Variants in SRPX2 observed in about 807,000 individuals in gnomAD.
SRPX2 encodes sushi repeat-containing protein SRPX2.
SRPX2 carries 26 observed loss-of-function variants against 45.3 expected under a neutral mutation model. That is an observed-to-expected ratio of 0.57 (90% CI 0.42 to 0.80). SRPX2 has a LOEUF of 0.80. SRPX2 is among the 30% of genes least tolerant of loss of function. The probability of loss-of-function intolerance (pLI) is 0.00; values close to 1 mark genes in which losing one functional copy is unlikely to be tolerated. For synonymous variants in SRPX2, 125 were observed against 143.7 expected, an observed-to-expected ratio of 0.87 and a Z score of 0.93; for missense variants, 355 against 399.8, an observed-to-expected ratio of 0.89 and a Z score of 0.95.
Position 100,666,933 on chromosome X carries a change from C to T in SRPX2, c.961C>T (p.Pro321Ser), listed in dbSNP as rs2083206545. The stretch of plus-strand genomic sequence containing the variant: ...GTCAGGTTCACCACCAATCTGTGCT[C>T]GTGAGTGAAACCGGGGAATGGGGCA... The part of the protein sequence containing the change: ...QWSGSPPICA[P>S]MKINVNVNSA... The change falls in exon 8 of 11, where the codon CCT (proline) becomes TCT (serine). Residue 321 changes from proline (P) to serine (S), a missense_variant and splice_region_variant. By Grantham distance (74) the Pro-to-Ser change is moderately conservative (BLOSUM62 -1). Transcript: ENST00000373004. 6 of 1,205,747 alleles carry T rather than the reference C, an allele frequency of 5.0e-6. No homozygotes were observed. The highest frequency in any genetic ancestry group is 2.2e-5 in the Admixed American group (1 of 45,325).
At position 100,667,271 on chromosome X, in the gene SRPX2, T is replaced by C; in HGVS notation, c.962-3T>C. On this transcript the variant is annotated splice_region_variant and splice_polypyrimidine_tract_variant and intron_variant, in intron 8 of 10. Transcript: ENST00000373004. ...TCTGACTGGTCACCTGCTTCTGCCC[T>C]AGCTATGAAGATTAACGTCAACGTC... 8.3e-7 allele frequency: 1 copy of C among 1,211,988 alleles called. No homozygotes were observed. Among genetic ancestry groups the C allele is most frequent in the Non-Finnish European group, 1.1e-6 (1 of 895,589 alleles).
At chrX:100,669,797 A>T (rs1450089082) in intron 10 of SRPX2, among the ~76,000 whole-genome samples, 1 of 78,620 alleles carries the variant, frequency 1.3e-5, no homozygotes, top group African/African-American at 4.9e-5. Flanking sequence ...TTTGAGACAC[A>T]GTTTTGCTCT....
At chrX:100,668,939 C>A (rs1184026885) in intron 9 of SRPX2, among the ~76,000 whole-genome samples, 1 of 112,089 alleles carries the variant, frequency 8.9e-6, no homozygotes, top group African/African-American at 3.2e-5. Context: ...CCATCAAGAA[C>A]TTATGTAATT....
Position 100,669,317 on chromosome X carries a change from G to A in SRPX2, c.1165G>A (p.Val389Met), listed in dbSNP as rs1453303256. 3 of 1,208,056 alleles carry A rather than the reference G, an allele frequency of 2.5e-6. No homozygotes were observed. Among genetic ancestry groups the A allele is most frequent in the Non-Finnish European group, 3.4e-6 (3 of 894,407 alleles). The change falls in exon 10 of 11, where the codon GTG becomes ATG. Residue 389 changes from valine to methionine, a missense_variant. Coordinates refer to ENST00000373004, the MANE Select transcript of SRPX2 (RefSeq NM_014467.3). ...IELVGQPPQE[V>M]GRIREQQLSA... Reference sequence around the variant, plus strand: ...ACTGGTGGGACAGCCACCTCAGGAGGTGGGGCGCATCCGGGAGCAACAGCT... The same window carrying A: ...ACTGGTGGGACAGCCACCTCAGGAGATGGGGCGCATCCGGGAGCAACAGCT...
At chrX:100,669,421 G>GGGGA in intron 10 of SRPX2, 52 bp downstream of exon 10, 1 of 610,817 alleles carries the variant, frequency 1.6e-6, no homozygotes. Flanking sequence ...TGGGGCGGGG[G>GGGGA]GAGAAACCCT....
At chrX:100,661,510 G>A (rs540693826) in intron 3 of SRPX2, among the ~76,000 whole-genome samples, 12 of 112,455 alleles carry the variant, frequency 1.1e-4, no homozygotes, top group African/African-American at 3.9e-4. Context: ...AGTGGCTCAC[G>A]CCTGTAATCG....
chrX:100,655,795 T>G (rs1212506994), intron 3 of SRPX2, among the ~76,000 whole-genome samples: 1 of 109,383 alleles, frequency 9.1e-6, no homozygotes, highest in South Asian at 4.0e-4. Context: ...ACTTACACAC[T>G]TCCTACCAGA....
chrX:100,667,342 C>A lies in SRPX2; in HGVS notation c.1030C>A (p.Leu344Ile), dbSNP rs149051060. The A allele has an allele frequency of 2.6e-4, 313 of 1,209,692 alleles. No individual in the cohort carries two copies. The African/African-American group carries it at 4.1e-3, about 16-fold the overall frequency. ...GGATCAATTCTATGAGAAACAGCGACTCCTCATCATCTCAGCTCCTGATCC... is the reference window on the plus strand; with the variant it reads ...GGATCAATTCTATGAGAAACAGCGAATCCTCATCATCTCAGCTCCTGATCC... ...LLDQFYEKQRLLIISAPDPSN... is the reference protein window; with the variant it reads ...LLDQFYEKQRILIISAPDPSN... Residue 344 changes from leucine (L) to isoleucine (I), a missense_variant, in exon 9 of 11, where the codon CTC becomes ATC. Physicochemically the swap from Leu to Ile is conservative, Grantham distance 5. Transcript: ENST00000373004.
chrX:100,648,773 C>T (rs1485950242), intron 2 of SRPX2, among the ~76,000 whole-genome samples: 1 of 112,010 alleles, frequency 8.9e-6, no homozygotes, highest in Non-Finnish European at 1.9e-5. Context: ...TGGTGGCCTT[C>T]GATCCCACAC....
chrX:100,666,968 G>C, intron 8 of SRPX2, 35 bp downstream of exon 8: 1 of 1,191,045 alleles, frequency 8.4e-7, no homozygotes. Context: ...AAGTGGATGT[G>C]GTGATCAGGG....
At chrX:100,653,180 G>A (rs751798818) in intron 3 of SRPX2, among the ~76,000 whole-genome samples, 1 of 111,343 alleles carries the variant, frequency 9.0e-6, no homozygotes, top group East Asian at 2.8e-4. Context: ...CTCCTGAGCT[G>A]GTGGACTACA....
In SRPX2 at chrX:100,669,288, T is replaced by C. The variant is rs747058060; in HGVS notation, c.1136T>C (p.Ile379Thr). The C allele has an allele frequency of 2.5e-6, 3 of 1,209,756 alleles. No homozygotes were observed. Among genetic ancestry groups the C allele is most frequent in the Admixed American group, 4.4e-5 (2 of 45,788 alleles). Reference protein sequence around the residue: ...CGLDLRHVTIIELVGQPPQEV... With the variant: ...CGLDLRHVTITELVGQPPQEV... ...CTGGATTTGCGGCATGTGACCATCA[T>C]TGAACTGGTGGGACAGCCACCTCAG... The change falls in exon 10 of 11, where the codon ATT becomes ACT. Residue 379 changes from isoleucine (I) to threonine (T), a missense_variant. Transcript: ENST00000373004.
Position 100,675,345 on chromosome X carries a change from T to C in SRPX2, c.*4358T>C, listed in dbSNP as rs1193989116. ...AAGTGCTTTTCAAAAGCAGCTCCAT[T>C]ATAAGAGTCCCCCAAAGGTCTAGTA... On this transcript the variant is annotated 3_prime_UTR_variant, in exon 11 of 11. Transcript: ENST00000373004. The C allele has an allele frequency of 8.9e-6, 1 of 112,477 alleles. No homozygotes were observed. The highest frequency in any genetic ancestry group is 1.9e-5 in the Non-Finnish European group (1 of 53,301). 9.3% of individuals were successfully genotyped at this position (112,477 alleles called of 1,213,427 possible). A position where few individuals can be genotyped will look rare whatever the true frequency, so the allele number is the denominator to read the frequency against.
intron 8 of SRPX2, 135 bp from the exon 9 acceptor site, chrX:100,667,139 G>T: frequency 9.4e-7 from 1 of 1,069,451 alleles, no homozygotes; most frequent in Non-Finnish European, 1.3e-6. Flanking sequence ...GTTCTTTTAG[G>T]ATTTCCCCCA....
At chrX:100,665,999 T>A (rs2083203571) in intron 7 of SRPX2, among the ~76,000 whole-genome samples, 1 of 112,302 alleles carries the variant, frequency 8.9e-6, no homozygotes, top group African/African-American at 3.2e-5. Context: ...CTGATAAAAC[T>A]GGTGGTGTTG....
chrX:100,652,232 C>T (rs1392093476), intron 3 of SRPX2, among the ~76,000 whole-genome samples: 1 of 111,821 alleles, frequency 8.9e-6, no homozygotes, highest in Non-Finnish European at 1.9e-5. Flanking sequence ...TACAGATGAA[C>T]CCCATAAATG....
At chrX:100,664,651 G>A (rs1028015906) in intron 4 of SRPX2, 123 bp from the exon 5 acceptor site, 19 of 700,317 alleles carry the variant, frequency 2.7e-5, no homozygotes, top group Admixed American at 8.0e-5. Flanking sequence ...AAATGTAAGG[G>A]CAGTTCAGGT....
chrX:100,669,100 G>A, intron 9 of SRPX2, 148 bp from the exon 10 acceptor site: 2 of 745,580 alleles, frequency 2.7e-6, no homozygotes, highest in Non-Finnish European at 4.1e-6. Flanking sequence ...ACAGGTTGTT[G>A]TAGACCCCAC....
intron 2 of SRPX2, chrX:100,650,320 G>GT (rs1278975684): frequency 1.6e-3 from 210 of 131,570 alleles, no homozygotes; most frequent in Middle Eastern, 3.9e-3. Flanking sequence ...CTGAGTAATT[G>GT]TTTTTTTTTG....
Sources: allele counts gnomAD v4.1 joint callset (sites outside exome capture counted in the v4.1 genomes callset), GRCh38; gene constraint gnomAD v4.1.1; transcripts MANE v1.5; gene names NCBI Gene and HGNC (gene_info 2026-07-23, HGNC 2026-07-21).